Variants in ZSWIM5 observed in about 807,000 individuals in gnomAD.
ZSWIM5 encodes zinc finger SWIM domain-containing protein 5.
ZSWIM5 carries 55 observed loss-of-function variants against 119.6 expected under a neutral mutation model. The ratio of observed to expected loss-of-function variants is 0.46; its 90% CI spans 0.37 to 0.58. The LOEUF (loss-of-function observed/expected upper bound fraction) is 0.58. Ranked by LOEUF, ZSWIM5 falls within the 20% of genes least tolerant of loss-of-function variation. The pLI is 0.00. For missense variants in ZSWIM5, 1,193 were observed against 1,512.8 expected, an observed-to-expected ratio of 0.79 and a Z score of 3.51; for synonymous variants, 537 against 606.9, an observed-to-expected ratio of 0.88 and a Z score of 1.69.
chr1:45,203,144 TAAAA>T, intron 1 of ZSWIM5, among the ~76,000 whole-genome samples: 1 of 152,166 alleles, frequency 6.6e-6, no homozygotes, highest in South Asian at 2.1e-4. Flanking sequence ...AGTACTTACA[TAAAA>T]GAAATGTATC....
intron 4 of ZSWIM5, 35 bp from the exon 5 acceptor site, chr1:45,051,288 CT>C: frequency 6.3e-7 from 1 of 1,590,346 alleles, no homozygotes; most frequent in African/African-American, 1.3e-5. Context: ...CTTAACATCT[CT>C]CCTTTGATGT....
At chr1:45,036,459 AT>A in intron 8 of ZSWIM5, 160 bp from the exon 9 acceptor site, 1 of 579,864 alleles carries the variant, frequency 1.7e-6, no homozygotes, top group Non-Finnish European at 2.2e-6. Flanking sequence ...GGTTCAAGCG[AT>A]TTTCCTGCCT....
intron 1 of ZSWIM5, among the ~76,000 whole-genome samples, chr1:45,184,864 A>T (rs993412076): frequency 1.3e-5 from 2 of 151,974 alleles, no homozygotes; most frequent in Admixed American, 6.6e-5. Context: ...CCATCAAGCT[A>T]CCAATGACTT....
At chr1:45,032,183 AGTGTC>A (rs1416286218) in intron 11 of ZSWIM5, among the ~76,000 whole-genome samples, 1 of 152,098 alleles carries the variant, frequency 6.6e-6, no homozygotes, top group Non-Finnish European at 1.5e-5. Flanking sequence ...GTTGGAGTGC[AGTGTC>A]ATGATGGTAG....
chr1:45,132,161 A>G (rs1645661339), intron 1 of ZSWIM5, among the ~76,000 whole-genome samples: 1 of 151,530 alleles, frequency 6.6e-6, no homozygotes, highest in African/African-American at 2.4e-5. Flanking sequence ...ATATTTATAT[A>G]TGTACTTGTA....
At chr1:45,198,462 C>T (rs766311597) in intron 1 of ZSWIM5, among the ~76,000 whole-genome samples, 11 of 152,186 alleles carry the variant, frequency 7.2e-5, no homozygotes, top group Non-Finnish European at 1.2e-4. Flanking sequence ...GCTGACTTTC[C>T]GGAGGGACAA....
At chr1:45,141,980 G>A (rs1645730497) in intron 1 of ZSWIM5, among the ~76,000 whole-genome samples, 1 of 152,034 alleles carries the variant, frequency 6.6e-6, no homozygotes, top group African/African-American at 2.4e-5. Flanking sequence ...TATGAGAGGT[G>A]GGTGTATTGT....
intron 8 of ZSWIM5, among the ~76,000 whole-genome samples, chr1:45,038,597 G>C (rs1260069431): frequency 9.2e-5 from 1 of 10,890 alleles, no homozygotes; most frequent in Non-Finnish European, 2.3e-4. Context: ...GGGCTGACGA[G>C]GGCAGTCTTT....
chr1:45,090,129 T>A (rs7516271), intron 1 of ZSWIM5, among the ~76,000 whole-genome samples: 3,133 of 152,278 alleles, frequency 0.021, 114 homozygotes, highest in African/African-American at 0.072. Context: ...CAGACAGTTA[T>A]GGTTAATTAA....
chr1:45,057,281 C>CTGTCT lies in ZSWIM5; in HGVS notation c.1252+1323_1252+1327dup, dbSNP rs1203843492. ...GTGATTCTGAAAGGTTTGAGAACCA[C>CTGTCT]TGTCTTAGCAGAATGCTGAGGGTTT... is the stretch of plus-strand genomic sequence containing the variant. On this transcript the variant is annotated intron_variant, in intron 4 of 13. Coordinates refer to ENST00000359600, the MANE Select transcript of ZSWIM5 (RefSeq NM_020883.2). This position sits in a 1 kb window ranked among gnomAD's most constrained non-coding sequence, Gnocchi z 4.7. Among the ~76,000 whole-genome samples the CTGTCT allele has an allele frequency of 6.6e-6, 1 of 152,254 alleles. No individual in the cohort carries two copies.
chr1:45,037,833 C>T (rs1396817308), intron 8 of ZSWIM5, among the ~76,000 whole-genome samples: 1 of 152,192 alleles, frequency 6.6e-6, no homozygotes, highest in Non-Finnish European at 1.5e-5. Context: ...ATATGCTCCA[C>T]CAGTGGGTGC....
intron 1 of ZSWIM5, among the ~76,000 whole-genome samples, chr1:45,191,347 T>A (rs1215097120): frequency 6.6e-6 from 1 of 152,208 alleles, no homozygotes; most frequent in Admixed American, 6.5e-5. Flanking sequence ...GTGAATCAGC[T>A]GACAGTTGGA....
intron 2 of ZSWIM5, among the ~76,000 whole-genome samples, chr1:45,062,240 T>G (rs1284149356): frequency 1.3e-5 from 2 of 152,200 alleles, no homozygotes; most frequent in African/African-American, 4.8e-5. Flanking sequence ...GGTCATGCCA[T>G]AGGTTACAAA....
At chr1:45,164,525 C>A (rs1196526172) in intron 1 of ZSWIM5, among the ~76,000 whole-genome samples, 1 of 151,892 alleles carries the variant, frequency 6.6e-6, no homozygotes, top group East Asian at 1.9e-4. Flanking sequence ...CACAGACTGG[C>A]AAATTGGATA....
chr1:45,100,940 A>G (rs1645436236), intron 1 of ZSWIM5, among the ~76,000 whole-genome samples: 1 of 152,346 alleles, frequency 6.6e-6, no homozygotes, highest in African/African-American at 2.4e-5. Flanking sequence ...CTAAAACCAT[A>G]AAAACCACAG....
Position 45,135,729 on chromosome 1 carries a change from T to G in ZSWIM5, c.596-47492A>C, listed in dbSNP as rs1007005. Reference sequence around the variant, plus strand: ...TTTTTCTTTGACTTTTAATCTTCCATTATCAGAACAAACCAATTCTCATTG... The same window carrying G: ...TTTTTCTTTGACTTTTAATCTTCCAGTATCAGAACAAACCAATTCTCATTG... On this transcript the variant is annotated intron_variant, in intron 1 of 13. Transcript: ENST00000359600. Among the ~76,000 whole-genome samples, 703 of 152,340 alleles carry G rather than the reference T, an allele frequency of 4.6e-3. 8 individuals are homozygous for G. Among genetic ancestry groups the G allele is most frequent in the African/African-American group, 0.016 (663 of 41,574 alleles).
At chr1:45,020,008 C>T (rs376116179) in intron 13 of ZSWIM5, 58 bp downstream of exon 13, 1 of 1,458,960 alleles carries the variant, frequency 6.9e-7, no homozygotes, top group South Asian at 1.2e-5. Flanking sequence ...TGTCCTGTCC[C>T]AAGAGTAGGG....
intron 1 of ZSWIM5, among the ~76,000 whole-genome samples, chr1:45,096,705 G>A (rs533529806): frequency 1.3e-5 from 2 of 152,266 alleles, no homozygotes; most frequent in Admixed American, 1.3e-4. Context: ...GCAAAGCCTT[G>A]CCCTGAGAAG....
chr1:45,169,000 T>A (rs764499461), intron 1 of ZSWIM5, among the ~76,000 whole-genome samples: 9 of 152,102 alleles, frequency 5.9e-5, no homozygotes, highest in African/African-American at 2.2e-4. Flanking sequence ...TACAAAGTAA[T>A]ACCCAAACTC....
Sources: gnomAD v4.1 joint callset for allele counts (sites outside exome capture counted in the v4.1 genomes callset) on GRCh38, gnomAD v4.1.1 for gene constraint, Gnocchi (gnomAD v3.1) non-coding constraint, MANE v1.5 for transcripts, NCBI Gene and HGNC (gene_info 2026-07-23, HGNC 2026-07-21) for gene names.